RYR2: variants seen among roughly 807,000 people sequenced by gnomAD.
The protein encoded by RYR2 is cardiac muscle ryanodine receptor-calcium release channel.
A neutral mutation model predicts 601.1 loss-of-function variants in RYR2; 227 were observed. That is an observed-to-expected ratio of 0.38 (90% CI 0.34 to 0.42). The LOEUF (loss-of-function observed/expected upper bound fraction) is 0.42, where lower values mean the gene tolerates loss of function less well. RYR2 is among the 10% of genes least tolerant of loss of function. The pLI, the probability that RYR2 is intolerant of heterozygous loss-of-function variation, is 1.00. For synonymous variants in RYR2, 2,223 were observed against 2,175.1 expected (o/e 1.02, Z -0.61); for missense variants, 4,646 against 6,156.5 (o/e 0.75, Z 8.21).
chr1:237,230,759 C>T (rs1278609567), intron 1 of RYR2, among the ~76,000 whole-genome samples: 6 of 151,932 alleles, frequency 3.9e-5, no homozygotes, highest in Non-Finnish European at 5.9e-5. Flanking sequence ...TCTAAAAACC[C>T]CTCTACTAAA....
At chr1:237,580,826 A>G (rs1315220957) in intron 29 of RYR2, among the ~76,000 whole-genome samples, 3 of 152,174 alleles carry the variant, frequency 2.0e-5, no homozygotes, top group East Asian at 1.9e-4. Flanking sequence ...GTGCTCAGAG[A>G]AAAGACCATG....
intron 1 of RYR2, among the ~76,000 whole-genome samples, chr1:237,137,938 A>G (rs546184410): frequency 1.3e-5 from 2 of 152,312 alleles, no homozygotes; most frequent in East Asian, 3.9e-4. Context: ...CCCTTCCCTA[A>G]TAGATAGCCA....
chr1:237,047,827 T>C (rs576574185), intron 1 of RYR2, among the ~76,000 whole-genome samples: 2 of 152,230 alleles, frequency 1.3e-5, no homozygotes, highest in Non-Finnish European at 2.9e-5. Context: ...GATTCTGTCC[T>C]ATTTCCTGTT....
chr1:237,171,320 A>G (rs975063423), intron 1 of RYR2, among the ~76,000 whole-genome samples: 1 of 152,122 alleles, frequency 6.6e-6, no homozygotes, highest in Non-Finnish European at 1.5e-5. Flanking sequence ...ACCTTTTGAC[A>G]TGTAGTAGTT....
intron 1 of RYR2, among the ~76,000 whole-genome samples, chr1:237,069,354 T>C (rs1316106434): frequency 2.0e-5 from 3 of 152,092 alleles, no homozygotes; most frequent in African/African-American, 7.2e-5. Flanking sequence ...AATGGACTTC[T>C]TTAGGTATTT....
In RYR2 at chr1:237,707,218, A is replaced by G. The variant is rs1688456675; in HGVS notation, c.9850A>G (p.Ile3284Val). Residue 3284 changes from isoleucine to valine, a missense_variant, in exon 68 of 105, where the codon ATA (isoleucine) becomes GTA (valine). Transcript: ENST00000366574. ...ACTTCTAGGGAACATATTGAAAATC[A>G]TATATAATAACTTGGGGATTGATGA... is the stretch of plus-strand genomic sequence containing the variant. ...NTLLGNILKI[I>V]YNNLGIDEGA... The G allele has an allele frequency of 6.3e-7, 1 of 1,592,430 alleles. No individual in the cohort carries two copies. Among genetic ancestry groups the G allele is most frequent in the Non-Finnish European group, 8.6e-7 (1 of 1,164,224 alleles).
Position 237,193,723 on chromosome 1 carries a change from G to A in RYR2, c.49-76774G>A, listed in dbSNP as rs115800308. Among the ~76,000 whole-genome samples, 706 of 152,204 alleles carry A rather than the reference G, an allele frequency of 4.6e-3. 6 individuals are homozygous for A. Among genetic ancestry groups the A allele is most frequent in the African/African-American group, 0.016 (659 of 41,532 alleles). On this transcript the variant is annotated intron_variant, in intron 1 of 104. Coordinates refer to ENST00000366574, the MANE Select transcript of RYR2 (RefSeq NM_001035.3). ...CTTATTTTCCAAAAACTCTGGAAACGAGTTGCATATTTCCACTGATGTCAA... is the reference window on the plus strand; with the variant it reads ...CTTATTTTCCAAAAACTCTGGAAACAAGTTGCATATTTCCACTGATGTCAA...
intron 22 of RYR2, among the ~76,000 whole-genome samples, chr1:237,504,985 C>T (rs533962300): frequency 2.6e-5 from 4 of 152,234 alleles, no homozygotes; most frequent in African/African-American, 9.6e-5. Context: ...ATGAGGATGC[C>T]GTATAGGAAA....
intron 1 of RYR2, among the ~76,000 whole-genome samples, chr1:237,064,873 C>T (rs1366964433): frequency 6.7e-6 from 1 of 148,562 alleles, no homozygotes; most frequent in Non-Finnish European, 1.5e-5. Flanking sequence ...TCAGCGACTT[C>T]AAATAATCTT....
chr1:237,427,329 C>T (rs546040857), intron 12 of RYR2, among the ~76,000 whole-genome samples: 29 of 152,196 alleles, frequency 1.9e-4, no homozygotes, highest in African/African-American at 6.5e-4. Context: ...AAATATGGCC[C>T]ACTCTATTTG....
rs1319527049 is a variant in RYR2, at chr1:237,129,611, G to T, written c.48+87042G>T. Among the ~76,000 whole-genome samples, 4 of 151,214 alleles carry T rather than the reference G, an allele frequency of 2.6e-5. No homozygotes were observed. The East Asian group carries it at 5.8e-4, about 22-fold the overall frequency. On this transcript the variant is annotated intron_variant, in intron 1 of 104. Coordinates refer to ENST00000366574, the MANE Select transcript of RYR2 (RefSeq NM_001035.3). ...GAATCCACCTAAGTGTCTATAATGGGTAAAGTATGAGATATATATATGTGT... is the reference window on the plus strand; with the variant it reads ...GAATCCACCTAAGTGTCTATAATGGTTAAAGTATGAGATATATATATGTGT...
intron 53 of RYR2, among the ~76,000 whole-genome samples, chr1:237,657,304 T>C (rs1487281716): frequency 1.3e-5 from 2 of 152,154 alleles, no homozygotes; most frequent in African/African-American, 4.8e-5. Context: ...GTTAATACTT[T>C]AATAAGATAT....
intron 25 of RYR2, among the ~76,000 whole-genome samples, chr1:237,542,629 C>A (rs1344003988): frequency 6.6e-6 from 1 of 152,114 alleles, no homozygotes; most frequent in African/African-American, 2.4e-5. Flanking sequence ...GTGCCCTCCT[C>A]CCCTCTGTGA....
intron 1 of RYR2, among the ~76,000 whole-genome samples, chr1:237,127,448 C>T (rs1030389173): frequency 2.0e-5 from 3 of 150,106 alleles, no homozygotes; most frequent in Non-Finnish European, 4.4e-5. Context: ...AAGGGGGCGG[C>T]TGGCCGGGCA....
intron 2 of RYR2, among the ~76,000 whole-genome samples, chr1:237,284,677 T>C (rs775965065): frequency 0.051 from 1,249 of 24,408 alleles, 17 homozygotes; most frequent in African/African-American, 0.11. Flanking sequence ...TATATATATA[T>C]ATATGTACAC....
At chr1:237,368,734 G>A (rs1273454243) in intron 5 of RYR2, among the ~76,000 whole-genome samples, 2 of 152,172 alleles carry the variant, frequency 1.3e-5, no homozygotes, top group South Asian at 2.1e-4. Flanking sequence ...GGAATGAGAA[G>A]TTTTTAAGCC....
chr1:237,592,729 C>T (rs1366676131), intron 32 of RYR2, among the ~76,000 whole-genome samples: 1 of 151,172 alleles, frequency 6.6e-6, no homozygotes, highest in Non-Finnish European at 1.5e-5. Context: ...AGTATAAAAA[C>T]CCAAACATTG....
intron 17 of RYR2, among the ~76,000 whole-genome samples, chr1:237,478,530 T>C (rs972189010): frequency 6.6e-5 from 10 of 152,218 alleles, no homozygotes; most frequent in Non-Finnish European, 1.5e-5. Flanking sequence ...AGCAAGGTTT[T>C]CCCATGTTCA....
chr1:237,617,341 C>G lies in RYR2; in HGVS notation c.5771C>G (p.Ala1924Gly), dbSNP rs776358808. 1.2e-6 allele frequency: 2 copies of G among 1,613,860 alleles called. No homozygotes were observed. Among genetic ancestry groups the G allele is most frequent in the Admixed American group, 1.7e-5 (1 of 59,998 alleles). Residue 1924 changes from alanine to glycine, a missense_variant, in exon 38 of 105, where the codon GCC becomes GGC. Transcript: ENST00000366574. The part of the protein sequence containing the change: ...CDCQVRHRIE[A>G]IVAFSDDFVA... Reference sequence around the variant, plus strand: ...TGCCAGGTCCGGCACCGGATAGAAGCCATTGTAGCCTTTTCAGATGATTTT... The same window carrying G: ...TGCCAGGTCCGGCACCGGATAGAAGGCATTGTAGCCTTTTCAGATGATTTT...
Sources: gnomAD v4.1 joint callset for allele counts (sites outside exome capture counted in the v4.1 genomes callset) on GRCh38, gnomAD v4.1.1 for gene constraint, MANE v1.5 for transcripts, NCBI Gene and HGNC (gene_info 2026-07-23, HGNC 2026-07-21) for gene names.